Variants in SCARA5 observed in about 807,000 individuals in gnomAD.
The protein encoded by SCARA5 is scavenger receptor class A member 5, also known as scavenger receptor class A, member 5 (putative).
In SCARA5, 45 loss-of-function variants were observed where a neutral mutation model predicts 46.3. That is an observed-to-expected ratio of 0.97 (90% CI 0.76 to 1.24). SCARA5 has a LOEUF of 1.24. Among genes scored for constraint, SCARA5 ranks in the 50% most tolerant of loss-of-function variants. SCARA5 has a pLI of 0.00. For missense variants in SCARA5, 680 were observed against 689.0 expected, an observed-to-expected ratio of 0.99 and a Z score of 0.15; for synonymous variants, 333 against 306.5, an observed-to-expected ratio of 1.09 and a Z score of -0.90.
At chr8:27,956,458 A>G (rs1354331494) in intron 3 of SCARA5, among the ~76,000 whole-genome samples, 1 of 152,212 alleles carries the variant, frequency 6.6e-6, no homozygotes, top group Non-Finnish European at 1.5e-5. Flanking sequence ...GGAAATGTTT[A>G]TTGAGGCCCT....
chr8:27,980,567 G>T (rs919714051), intron 2 of SCARA5, among the ~76,000 whole-genome samples: 9 of 152,080 alleles, frequency 5.9e-5, no homozygotes, highest in Admixed American at 5.2e-4. Flanking sequence ...GGCCATGCCC[G>T]TCTGCATGGA....
At chr8:27,892,608 T>TG (rs1292260970) in intron 7 of SCARA5, among the ~76,000 whole-genome samples, 254 of 116,022 alleles carry the variant, frequency 2.2e-3, no homozygotes, top group African/African-American at 8.7e-3. Flanking sequence ...ACCTCACCCT[T>TG]TTTTTTTTTT....
intron 3 of SCARA5, among the ~76,000 whole-genome samples, chr8:27,958,723 T>C (rs771379219): frequency 1.4e-4 from 22 of 152,214 alleles, no homozygotes; most frequent in Non-Finnish European, 2.8e-4. Context: ...GACATCTAAC[T>C]GGGATCGCTG....
At chr8:27,882,789 G>A (rs759044387) in intron 7 of SCARA5, among the ~76,000 whole-genome samples, 1 of 152,164 alleles carries the variant, frequency 6.6e-6, no homozygotes, top group African/African-American at 2.4e-5. Context: ...TATATCAAGT[G>A]CCAGGTGCTT....
Position 27,921,937 on chromosome 8 carries a change from C to A in SCARA5, c.550G>T (p.Glu184Ter), listed in dbSNP as rs1364750379. 1 of 1,538,950 alleles carries A rather than the reference C, an allele frequency of 6.5e-7. No individual in the cohort carries two copies. Among genetic ancestry groups the A allele is most frequent in the South Asian group, 1.2e-5 (1 of 81,150 alleles). Reference sequence around the variant, plus strand: ...CTCTCCACCTGCAGCTGGTAGAGCTCCAGCTGCGCCGTGTCGCTCTGCTGG... The same window carrying A: ...CTCTCCACCTGCAGCTGGTAGAGCTACAGCTGCGCCGTGTCGCTCTGCTGG... ...TGQQSDTAQL[E>*]LYQLQVESNS... is the part of the protein sequence containing the mutation. Residue 184 changes from glutamate (E) to a stop codon, truncating the protein, a stop_gained, in exon 4 of 9, where the codon GAG (glutamate) becomes TAG (stop). Transcript: ENST00000354914. LOFTEE classifies it high-confidence loss of function.
chr8:27,879,535 T>C, intron 8 of SCARA5, 34 bp downstream of exon 8: 1 of 1,591,804 alleles, frequency 6.3e-7, no homozygotes, highest in Non-Finnish European at 8.5e-7. Context: ...GTGCAGGCCC[T>C]CTCCTCATGT....
rs576462828 is a variant in SCARA5 at position 27,917,058 on chromosome 8, G to C, written c.916+4513C>G. ...TCAACCAGAAAGCTGGTCCCGAACA[G>C]GGCCCAACTCTGCTGGCCCCTGGAT... On this transcript the variant is annotated intron_variant, in intron 4 of 8. Coordinates refer to ENST00000354914, the MANE Select transcript of SCARA5 (RefSeq NM_173833.6). Among the ~76,000 whole-genome samples, 38 of 152,298 alleles carry C rather than the reference G, an allele frequency of 2.5e-4. No individual in the cohort carries two copies. In the East Asian group the frequency reaches 7.1e-3, roughly 29 times the overall value.
Position 27,922,183 on chromosome 8 carries a change from T to G in SCARA5, c.304A>C (p.Asn102His). ...AGCTGCAAGTCCCGGAAGCTCTCAT[T>G]CAGCCGGTTCACATTGCGAGTCAGG... ...KALTRNVNRL[N>H]ESFRDLQLRL... Residue 102 changes from asparagine to histidine, a missense_variant, in exon 4 of 9, where the codon AAT (asparagine) becomes CAT (histidine). Transcript: ENST00000354914. The G allele has an allele frequency of 6.2e-7, 1 of 1,605,196 alleles. No homozygotes were observed. The highest frequency in any genetic ancestry group is 8.5e-7 in the Non-Finnish European group (1 of 1,176,658).
At chr8:27,875,187 C>T (rs1806703217) in intron 8 of SCARA5, among the ~76,000 whole-genome samples, 2 of 150,882 alleles carry the variant, frequency 1.3e-5, no homozygotes, top group South Asian at 4.2e-4. Context: ...CCCTCCCTCC[C>T]TCCCTCCCTT....
chr8:27,976,332 C>A (rs1193410138), intron 2 of SCARA5, among the ~76,000 whole-genome samples: 1 of 152,164 alleles, frequency 6.6e-6, no homozygotes, highest in Admixed American at 6.5e-5. Context: ...GAGACTCAAG[C>A]AGCAGGCTCA....
At chr8:27,912,250 G>C (rs2726997) in intron 4 of SCARA5, among the ~76,000 whole-genome samples, 2,009 of 152,072 alleles carry the variant, frequency 0.013, 95 homozygotes, top group East Asian at 0.13. Context: ...TAAGATCAGA[G>C]GGTGTTAATA....
At chr8:27,970,295 A>G (rs903369487) in intron 2 of SCARA5, among the ~76,000 whole-genome samples, 1 of 152,180 alleles carries the variant, frequency 6.6e-6, no homozygotes, top group African/African-American at 2.4e-5. Context: ...CAACCGAGGT[A>G]GGAGACAAGA....
At chr8:27,968,015 A>T (rs1336434264) in intron 2 of SCARA5, among the ~76,000 whole-genome samples, 1 of 152,156 alleles carries the variant, frequency 6.6e-6, no homozygotes, top group Non-Finnish European at 1.5e-5. Flanking sequence ...TTTAGAAAAC[A>T]TCCTGAAGGA....
chr8:27,921,603 G>T lies in SCARA5; in HGVS notation c.884C>A (p.Ser295Tyr), dbSNP rs766474764. The T allele has an allele frequency of 6.3e-7, 1 of 1,586,238 alleles. No homozygotes were observed. The highest frequency in any genetic ancestry group is 1.1e-5 in the South Asian group (1 of 87,136). The change falls in exon 4 of 9, where the codon TCC becomes TAC. Residue 295 changes from serine (S) to tyrosine (Y), a missense_variant. By Grantham distance (144) the Ser-to-Tyr change is moderately radical. Transcript: ENST00000354914. Reference protein sequence around the residue: ...EDLRLKDWEHSIALRNISLAK... With the variant: ...EDLRLKDWEHYIALRNISLAK... ...GAGGGAGATGTTCCGCAGTGCGATG[G>T]AGTGCTCCCAGTCCTTGAGGCGCAG...
intron 1 of SCARA5, among the ~76,000 whole-genome samples, chr8:27,991,265 G>A (rs949973186): frequency 6.6e-6 from 1 of 152,200 alleles, no homozygotes; most frequent in African/African-American, 2.4e-5. Context: ...AATGCATGTG[G>A]CATGACTTTA....
chr8:27,894,097 G>C (rs1455833906), intron 7 of SCARA5, among the ~76,000 whole-genome samples: 2 of 152,256 alleles, frequency 1.3e-5, no homozygotes, highest in Non-Finnish European at 2.9e-5. Context: ...TATCTACTGA[G>C]GTCCCGTCGT....
At chr8:27,938,285 T>C (rs574097208) in intron 3 of SCARA5, among the ~76,000 whole-genome samples, 5 of 152,334 alleles carry the variant, frequency 3.3e-5, no homozygotes, top group Admixed American at 3.3e-4. Context: ...GTGAATATAC[T>C]TATCACTTCT....
At chr8:27,890,101 T>C (rs1806958302) in intron 7 of SCARA5, among the ~76,000 whole-genome samples, 1 of 152,132 alleles carries the variant, frequency 6.6e-6, no homozygotes, top group African/African-American at 2.4e-5. Context: ...CTGGACTCAC[T>C]CAAATGAACT....
At chr8:27,983,429 C>T (rs1808654145) in intron 2 of SCARA5, among the ~76,000 whole-genome samples, 1 of 152,156 alleles carries the variant, frequency 6.6e-6, no homozygotes, top group Non-Finnish European at 1.5e-5. Context: ...GTCTATTTCC[C>T]AATTGGTTCC....
Sources: allele counts gnomAD v4.1 joint callset (sites outside exome capture counted in the v4.1 genomes callset), GRCh38; gene constraint gnomAD v4.1.1; transcripts MANE v1.5; gene names NCBI Gene and HGNC (gene_info 2026-07-23, HGNC 2026-07-21).